The following M1AP variants were observed in gnomAD, a reference collection of about 807,000 sequenced individuals.
M1AP encodes meiosis 1 arrest protein.
Under a neutral mutation model 51.2 loss-of-function variants are expected in M1AP, and 39 were observed. That is an observed-to-expected ratio of 0.76 (90% confidence interval 0.59 to 1.00). The LOEUF (loss-of-function observed/expected upper bound fraction) is 1.00, where lower values mean the gene tolerates loss of function less well. Ranked by LOEUF, M1AP falls within the 50% of genes least tolerant of loss-of-function variation. The pLI, the probability that M1AP is intolerant of heterozygous loss-of-function variation, is 0.00. For synonymous variants in M1AP, 251 were observed against 249.2 expected, an observed-to-expected ratio of 1.01 and a Z score of -0.07; for missense variants, 545 against 641.2, an observed-to-expected ratio of 0.85 and a Z score of 1.62.
At chr2:74,562,488 C>T in intron 7 of M1AP, 65 bp from the exon 8 acceptor site, 3 of 1,575,152 alleles carry the variant, frequency 1.9e-6, no homozygotes, top group Non-Finnish European at 2.6e-6. Flanking sequence ...GAGGATCAGT[C>T]CCAATTGAAG....
At chr2:74,618,872 C>A in intron 2 of M1AP, 2 of 505,690 alleles carry the variant, frequency 4.0e-6, no homozygotes, top group South Asian at 2.9e-5. Context: ...ATCTAGCTGT[C>A]ATTGTTCAGT....
chr2:74,607,545 C>G (rs552912130), intron 3 of M1AP, among the ~76,000 whole-genome samples: 1 of 152,264 alleles, frequency 6.6e-6, no homozygotes, highest in Admixed American at 6.5e-5. Context: ...GCAATCTTGG[C>G]TCACTGCAAC....
intron 7 of M1AP, among the ~76,000 whole-genome samples, chr2:74,564,912 ATT>A (rs760558186): frequency 4.3e-4 from 66 of 152,252 alleles, no homozygotes; most frequent in Non-Finnish European, 7.9e-4. Context: ...TTACTTGTGA[ATT>A]TTTTGTCTAT....
intron 7 of M1AP, among the ~76,000 whole-genome samples, chr2:74,566,067 A>G (rs1678363895): frequency 6.6e-6 from 1 of 152,058 alleles, no homozygotes; most frequent in South Asian, 2.1e-4. Flanking sequence ...TCTATTCACT[A>G]TTGTCCTGGG....
At chr2:74,580,671 A>G (rs1192859141) in intron 5 of M1AP, among the ~76,000 whole-genome samples, 1 of 152,194 alleles carries the variant, frequency 6.6e-6, no homozygotes, top group Non-Finnish European at 1.5e-5. Context: ...TATACTGCCA[A>G]TGGCCAAGAA....
chr2:74,637,604 G>T (rs1683057420), intron 2 of M1AP, among the ~76,000 whole-genome samples: 1 of 152,180 alleles, frequency 6.6e-6, no homozygotes, highest in African/African-American at 2.4e-5. Flanking sequence ...TGACACTTAG[G>T]ATCTTGTGTT....
chr2:74,585,263 A>C (rs569445083), intron 4 of M1AP, among the ~76,000 whole-genome samples: 1 of 152,320 alleles, frequency 6.6e-6, no homozygotes, highest in South Asian at 2.1e-4. Context: ...AGTGCAGCTC[A>C]GAGAAGGCAT....
intron 8 of M1AP, 115 bp from the exon 9 acceptor site, chr2:74,560,406 C>T (rs1381148222): frequency 2.7e-6 from 3 of 1,111,960 alleles, no homozygotes; most frequent in Non-Finnish European, 3.8e-6. Flanking sequence ...CCCAGGGCTG[C>T]CATGAAGGCT....
intron 2 of M1AP, among the ~76,000 whole-genome samples, chr2:74,616,375 A>G (rs972856954): frequency 3.9e-5 from 6 of 152,240 alleles, no homozygotes; most frequent in Non-Finnish European, 8.8e-5. Flanking sequence ...AAACTATAAT[A>G]TAACTCTTCA....
rs186465973 is a variant in M1AP, at chr2:74,598,768, A to C, written c.595+8287T>G. The stretch of plus-strand genomic sequence containing the variant: ...CCTGAGTAGCTGGGACTGCAGGTGC[A>C]TGCCACCATGCCTGGCTAATTTTGT... On this transcript the variant is annotated intron_variant, in intron 4 of 10. Transcript: ENST00000421985. Among the ~76,000 whole-genome samples the C allele has an allele frequency of 4.7e-3, 718 of 151,748 alleles. 4 individuals are homozygous for C. The highest frequency in any genetic ancestry group is 7.9e-3 in the Non-Finnish European group (535 of 67,910).
At chr2:74,597,515 C>T (rs1052233414) in intron 4 of M1AP, among the ~76,000 whole-genome samples, 2 of 152,126 alleles carry the variant, frequency 1.3e-5, no homozygotes, top group African/African-American at 2.4e-5. Context: ...CTTTAGGAAG[C>T]AATGAATCTT....
At chr2:74,647,370 A>G (rs1683671257) in intron 1 of M1AP, 1 of 985,040 alleles carries the variant, frequency 1.0e-6, no homozygotes, top group Non-Finnish European at 1.2e-6. Context: ...GCCCTCATTC[A>G]CTTTGTCGCG....
chr2:74,630,905 C>T (rs1006923532), intron 2 of M1AP, among the ~76,000 whole-genome samples: 5 of 152,176 alleles, frequency 3.3e-5, no homozygotes, highest in African/African-American at 7.2e-5. Context: ...TTGATCACTC[C>T]GTACTCTACT....
At chr2:74,599,603 G>C (rs1680553398) in intron 4 of M1AP, among the ~76,000 whole-genome samples, 1 of 151,828 alleles carries the variant, frequency 6.6e-6, no homozygotes, top group Non-Finnish European at 1.5e-5. Context: ...ATTCCAGTTT[G>C]GACAATTTGT....
chr2:74,630,235 C>T (rs909062460), intron 2 of M1AP, among the ~76,000 whole-genome samples: 1 of 152,172 alleles, frequency 6.6e-6, no homozygotes, highest in African/African-American at 2.4e-5. Flanking sequence ...CCTCACCAGG[C>T]TGGTATATAG....
At chr2:74,621,650 G>A (rs1373480680) in intron 2 of M1AP, among the ~76,000 whole-genome samples, 2 of 150,926 alleles carry the variant, frequency 1.3e-5, no homozygotes, top group Admixed American at 6.6e-5. Flanking sequence ...AAAATTAGCC[G>A]GGCATGGTGG....
intron 4 of M1AP, among the ~76,000 whole-genome samples, chr2:74,597,277 T>A (rs1035939422): frequency 6.6e-6 from 1 of 152,258 alleles, no homozygotes; most frequent in African/African-American, 2.4e-5. Flanking sequence ...AATGTCTCTC[T>A]GTGTTAAAAA....
intron 1 of M1AP, among the ~76,000 whole-genome samples, chr2:74,643,590 CTTTTT>C (rs1161305967): frequency 1.5e-4 from 20 of 130,076 alleles, no homozygotes; most frequent in South Asian, 2.5e-4. Flanking sequence ...TGGTAATGTT[CTTTTT>C]TTTTTTTTTT....
At chr2:74,600,113 G>C (rs1054405807) in intron 4 of M1AP, among the ~76,000 whole-genome samples, 25 of 152,162 alleles carry the variant, frequency 1.6e-4, no homozygotes, top group African/African-American at 6.0e-4. Context: ...GTATAGAGAA[G>C]AGTTAAGCAT....
Sources: gnomAD v4.1 joint callset for allele counts (sites outside exome capture counted in the v4.1 genomes callset) on GRCh38, gnomAD v4.1.1 for gene constraint, MANE v1.5 for transcripts, NCBI Gene and HGNC (gene_info 2026-07-23, HGNC 2026-07-21) for gene names.